Variants in NKAIN2 observed in about 807,000 individuals in gnomAD.
NKAIN2 encodes sodium/potassium-transporting ATPase subunit beta-1-interacting protein 2.
A neutral mutation model predicts 32.6 loss-of-function variants in NKAIN2; 14 were observed. That is an observed-to-expected ratio of 0.43 (90% CI 0.28 to 0.67). The LOEUF (loss-of-function observed/expected upper bound fraction) is 0.67. NKAIN2 is among the 30% of genes least tolerant of loss of function. The probability of loss-of-function intolerance (pLI) is 0.17; values close to 1 mark genes in which losing one functional copy is unlikely to be tolerated. For missense variants in NKAIN2, 198 were observed against 258.3 expected (o/e 0.77, Z 1.60); for synonymous variants, 80 against 87.2 (o/e 0.92, Z 0.46).
intron 2 of NKAIN2, among the ~76,000 whole-genome samples, chr6:124,335,905 T>C (rs756871175): frequency 1.3e-5 from 2 of 152,170 alleles, no homozygotes; most frequent in Non-Finnish European, 2.9e-5. Context: ...ATCTTTCTGT[T>C]TTTCATGCCA....
intron 3 of NKAIN2, among the ~76,000 whole-genome samples, chr6:124,506,095 G>A (rs1778469147): frequency 6.6e-6 from 1 of 151,992 alleles, no homozygotes; most frequent in African/African-American, 2.4e-5. Context: ...GCAGGAGAAT[G>A]GCGTGAACCC....
chr6:123,821,693 G>A (rs568901927), intron 1 of NKAIN2, among the ~76,000 whole-genome samples: 7 of 152,112 alleles, frequency 4.6e-5, no homozygotes, highest in South Asian at 4.1e-4. Flanking sequence ...AGGGACAAGC[G>A]GGGGGCCCGA....
At chr6:124,792,766 G>A (rs1779804040) in intron 5 of NKAIN2, among the ~76,000 whole-genome samples, 1 of 151,980 alleles carries the variant, frequency 6.6e-6, no homozygotes, top group East Asian at 1.9e-4. Context: ...AGCATATCAC[G>A]GCCAGATTAA....
intron 3 of NKAIN2, among the ~76,000 whole-genome samples, chr6:124,417,359 A>G (rs6924293): frequency 0.015 from 2,294 of 152,324 alleles, 61 homozygotes; most frequent in African/African-American, 0.052. Flanking sequence ...AGCAGAATAG[A>G]GAAAACAGAA....
intron 4 of NKAIN2, among the ~76,000 whole-genome samples, chr6:124,768,170 C>T (rs1326638185): frequency 6.6e-6 from 1 of 152,084 alleles, no homozygotes; most frequent in Non-Finnish European, 1.5e-5. Context: ...CATTTTGATT[C>T]AAGGAGATGT....
chr6:123,904,186 G>A (rs954179119), intron 1 of NKAIN2, among the ~76,000 whole-genome samples: 20 of 151,464 alleles, frequency 1.3e-4, no homozygotes, highest in East Asian at 3.9e-4. Context: ...AGCCAAGATC[G>A]CACCACTGCA....
intron 1 of NKAIN2, among the ~76,000 whole-genome samples, chr6:124,147,751 T>G (rs998801485): frequency 3.9e-5 from 6 of 152,220 alleles, no homozygotes; most frequent in African/African-American, 1.4e-4. Context: ...TTGTTCGTTT[T>G]GCCTCCACAA....
chr6:124,700,124 A>C (rs952445506), intron 4 of NKAIN2, among the ~76,000 whole-genome samples: 7 of 152,174 alleles, frequency 4.6e-5, no homozygotes, highest in Admixed American at 2.6e-4. Context: ...ATGACTTCCA[A>C]CACACCTCAT....
At chr6:124,687,319 AAT>A (rs1157956800) in intron 4 of NKAIN2, among the ~76,000 whole-genome samples, 15 of 141,668 alleles carry the variant, frequency 1.1e-4, no homozygotes, top group African/African-American at 3.8e-4. Context: ...ATATATATGT[AAT>A]ATATATATTC....
chr6:123,949,854 A>C (rs1212315364), intron 1 of NKAIN2, among the ~76,000 whole-genome samples: 1 of 151,958 alleles, frequency 6.6e-6, no homozygotes, highest in Non-Finnish European at 1.5e-5. Context: ...GAGTGGTGAA[A>C]GTGGGCATGC....
intron 3 of NKAIN2, among the ~76,000 whole-genome samples, chr6:124,613,065 A>G (rs1460126792): frequency 1.3e-5 from 2 of 152,154 alleles, no homozygotes; most frequent in Non-Finnish European, 2.9e-5. Context: ...GTTTCAATAT[A>G]CCCAAAGCAT....
At chr6:124,283,678 A>G (rs1310005920) in intron 2 of NKAIN2, among the ~76,000 whole-genome samples, 1 of 152,168 alleles carries the variant, frequency 6.6e-6, no homozygotes, top group Non-Finnish European at 1.5e-5. Context: ...TTCCCACTCA[A>G]GTTAAACTTA....
chr6:124,454,426 T>C (rs1461465070), intron 3 of NKAIN2, among the ~76,000 whole-genome samples: 3 of 152,054 alleles, frequency 2.0e-5, no homozygotes, highest in African/African-American at 7.2e-5. Flanking sequence ...TTTCCTGTAG[T>C]TGTGCTCTAA....
intron 3 of NKAIN2, among the ~76,000 whole-genome samples, chr6:124,650,645 C>T (rs543765915): frequency 2.0e-5 from 3 of 152,116 alleles, no homozygotes; most frequent in Non-Finnish European, 2.9e-5. Flanking sequence ...CCCATGGTGG[C>T]AACATTAGCT....
rs529791060 is a variant in NKAIN2, at chr6:124,283,295, C to T, written c.192+153C>T. ...TGTTTATTTTCATAGTTTCAGATTC[C>T]ATCAACAGTAATTGAAAATGTCAGG... On this transcript the variant is annotated intron_variant, in intron 2 of 6. Coordinates refer to ENST00000368417, the MANE Select transcript of NKAIN2 (RefSeq NM_001040214.3). 165 of 558,086 alleles carry T rather than the reference C, an allele frequency of 3.0e-4. No homozygotes were observed. The Middle Eastern group carries it at 4.5e-3, about 15-fold the overall frequency. 34.6% of individuals were successfully genotyped at this position (558,086 alleles called of 1,614,324 possible).
At chr6:123,954,694 A>G (rs1470242257) in intron 1 of NKAIN2, among the ~76,000 whole-genome samples, 3 of 152,172 alleles carry the variant, frequency 2.0e-5, no homozygotes, top group South Asian at 2.1e-4. Flanking sequence ...ACCTCCACCT[A>G]TTCTCTTACT....
chr6:123,945,232 C>T (rs552483847), intron 1 of NKAIN2, among the ~76,000 whole-genome samples: 4 of 151,950 alleles, frequency 2.6e-5, no homozygotes, highest in Admixed American at 6.6e-5. Flanking sequence ...CTGGGTTTAC[C>T]AAAGCCTCTA....
chr6:124,400,179 T>G (rs1209638508), intron 3 of NKAIN2, among the ~76,000 whole-genome samples: 1 of 152,178 alleles, frequency 6.6e-6, no homozygotes, highest in Non-Finnish European at 1.5e-5. Context: ...CTCCTGCGGA[T>G]CTTTAAAAAT....
rs115144636 is a variant in NKAIN2, at chr6:124,252,584, C to T, written c.55-30421C>T. Among the ~76,000 whole-genome samples, 607 of 152,038 alleles carry T rather than the reference C, an allele frequency of 4.0e-3. 5 individuals carry two copies. Among genetic ancestry groups the T allele is most frequent in the African/African-American group, 0.014 (584 of 41,466 alleles). ...TATATGTGTGTGCATGTATAACATG[C>T]ATAACATAAATATATGTATGTGTGT... On this transcript the variant is annotated intron_variant, in intron 1 of 6. Transcript: ENST00000368417.
Sources: gnomAD v4.1 joint callset for allele counts (sites outside exome capture counted in the v4.1 genomes callset) on GRCh38, gnomAD v4.1.1 for gene constraint, MANE v1.5 for transcripts, NCBI Gene and HGNC (gene_info 2026-07-23, HGNC 2026-07-21) for gene names.